The following ATXN1 variants were observed in gnomAD, a reference collection of about 807,000 sequenced individuals.
ATXN1 encodes ataxin 1.
A neutral mutation model predicts 56.4 loss-of-function variants in ATXN1; 8 were observed. That is an observed-to-expected ratio of 0.14 (90% CI 0.08 to 0.26). The LOEUF is 0.26. Ranked by LOEUF, ATXN1 falls within the 10% of genes least tolerant of loss-of-function variation. ATXN1 has a pLI of 1.00. For synonymous variants in ATXN1, 514 were observed against 494.6 expected (o/e 1.04, Z -0.52); for missense variants, 987 against 1,106.5 (o/e 0.89, Z 1.53).
chr6:16,426,884 A>G (rs1476440503), intron 6 of ATXN1, among the ~76,000 whole-genome samples: 1 of 151,504 alleles, frequency 6.6e-6, no homozygotes, highest in African/African-American at 2.4e-5. Flanking sequence ...AGAAAAAAAA[A>G]AAAAGACCAA....
chr6:16,563,404 C>T (rs1762156471), intron 4 of ATXN1, among the ~76,000 whole-genome samples: 1 of 152,064 alleles, frequency 6.6e-6, no homozygotes, highest in South Asian at 2.1e-4. Flanking sequence ...GAATGCATGG[C>T]ACTAAGCTAT....
chr6:16,554,713 CA>C (rs1761980530), intron 4 of ATXN1, among the ~76,000 whole-genome samples: 1 of 148,946 alleles, frequency 6.7e-6, no homozygotes, highest in South Asian at 2.1e-4. Flanking sequence ...CTCAGCGTCC[CA>C]AAGTGCTGGG....
intron 6 of ATXN1, among the ~76,000 whole-genome samples, chr6:16,337,583 G>A (rs1761152926): frequency 6.6e-6 from 1 of 152,252 alleles, no homozygotes; most frequent in Non-Finnish European, 1.5e-5. Flanking sequence ...TTGAGTTGGA[G>A]TTTTTAAGAA....
chr6:16,376,325 T>C (rs1294164394), intron 6 of ATXN1, among the ~76,000 whole-genome samples: 1 of 152,228 alleles, frequency 6.6e-6, no homozygotes, highest in African/African-American at 2.4e-5. Flanking sequence ...CCTTTCTTTG[T>C]ACCCACAGCA....
In ATXN1 at chr6:16,300,292, C is replaced by CTTA. The variant is rs1760052074; in HGVS notation, c.*6034_*6036dup. On this transcript the variant is annotated 3_prime_UTR_variant, in exon 8 of 8. Transcript: ENST00000436367. ...AGATACTACCTATTGGCCAAATGCA[C>CTTA]TTAATTTTAATACAGTTGAACCATT... 1 of 152,586 alleles carries CTTA rather than the reference C, an allele frequency of 6.6e-6. No individual in the cohort carries two copies. The highest frequency in any genetic ancestry group is 1.5e-5 in the Non-Finnish European group (1 of 68,034). The allele number at this position is 152,586 out of a possible 1,614,324, so 9.5% of individuals were successfully genotyped here.
chr6:16,666,290 G>A (rs1273355738), intron 2 of ATXN1, among the ~76,000 whole-genome samples: 1 of 152,146 alleles, frequency 6.6e-6, no homozygotes, highest in East Asian at 1.9e-4. Context: ...TCCAGTTCCA[G>A]CCATGTTGTT....
At chr6:16,430,638 G>A (rs942103634) in intron 6 of ATXN1, among the ~76,000 whole-genome samples, 1 of 152,202 alleles carries the variant, frequency 6.6e-6, no homozygotes, top group African/African-American at 2.4e-5. Flanking sequence ...CTGTGTAAGG[G>A]AGAGGAGAAT....
chr6:16,463,978 G>C (rs935875581), intron 6 of ATXN1, among the ~76,000 whole-genome samples: 1 of 152,164 alleles, frequency 6.6e-6, no homozygotes, highest in African/African-American at 2.4e-5. Flanking sequence ...CTTTGGCCTA[G>C]AGTGTTCCCC....
intron 6 of ATXN1, among the ~76,000 whole-genome samples, chr6:16,404,702 G>GCGCACACA (rs1020999614): frequency 2.3e-5 from 3 of 131,984 alleles, no homozygotes; most frequent in Non-Finnish European, 4.6e-5. Flanking sequence ...ACTCGCGCGC[G>GCGCACACA]CGCACACACG....
At position 16,301,007 on chromosome 6, in the gene ATXN1, A is replaced by G. The variant is rs549232321; in HGVS notation, c.*5322T>C. 3.3e-5 allele frequency: 5 copies of G among 152,768 alleles called. No homozygotes were observed. In the South Asian group the frequency reaches 1.0e-3, roughly 32 times the overall value. 9.5% of individuals were successfully genotyped at this position (152,768 alleles called of 1,614,324 possible). A position where few individuals can be genotyped will look rare whatever the true frequency, so the allele number is the denominator to read the frequency against. ...TTTTACGTAGTAATTCTTCCAGGCC[A>G]TAACCATACAAATCTGATCATTTAG... On this transcript the variant is annotated 3_prime_UTR_variant, in exon 8 of 8. Coordinates refer to ENST00000436367, the MANE Select transcript of ATXN1 (RefSeq NM_001128164.2).
chr6:16,702,656 C>G (rs1759311542), intron 2 of ATXN1, among the ~76,000 whole-genome samples: 1 of 152,114 alleles, frequency 6.6e-6, no homozygotes, highest in South Asian at 2.1e-4. Context: ...ACAAACAACC[C>G]CATCAAAAAG....
At chr6:16,539,734 A>C (rs183587085) in intron 4 of ATXN1, among the ~76,000 whole-genome samples, 30 of 152,268 alleles carry the variant, frequency 2.0e-4, no homozygotes, top group Non-Finnish European at 3.7e-4. Context: ...GACTAGAGTA[A>C]CCTGATGACA....
intron 4 of ATXN1, among the ~76,000 whole-genome samples, chr6:16,574,342 A>G (rs527812937): frequency 1.3e-5 from 2 of 152,278 alleles, no homozygotes; most frequent in South Asian, 4.1e-4. Context: ...AGTAGCTGGG[A>G]TTACAGGCAT....
At position 16,328,205 on chromosome 6, in the gene ATXN1, C is replaced by T; in HGVS notation, c.106G>A (p.Asp36Asn). ...SEEKAPTLPS[D>N]NHRVEGTAWL... is the part of the protein sequence containing the mutation. ...GCTGTGCCCTCCACCCGGTGGTTGT[C>T]GCTGGGCAGGGTAGGGGCCTTCTCC... The change falls in exon 7 of 8, where the codon GAC (aspartate) becomes AAC (asparagine). Residue 36 changes from aspartate (D) to asparagine (N), a missense_variant. Transcript: ENST00000436367. This position sits in a 1 kb window ranked among gnomAD's most constrained non-coding sequence, Gnocchi z 6.2. The T allele has an allele frequency of 6.3e-6, 10 of 1,597,878 alleles. No individual in the cohort carries two copies. The highest frequency in any genetic ancestry group is 4.5e-5 in the South Asian group (4 of 89,384).
chr6:16,480,154 C>CAA (rs60209783), intron 6 of ATXN1, among the ~76,000 whole-genome samples: 23,557 of 77,752 alleles, frequency 0.3, 4,576 homozygotes, highest in Non-Finnish European at 0.38. Flanking sequence ...ACTTCATCTG[C>CAA]AAAAAAAAAA....
intron 4 of ATXN1, among the ~76,000 whole-genome samples, chr6:16,554,667 T>TA (rs1377323838): frequency 2.6e-5 from 4 of 151,664 alleles, no homozygotes; most frequent in Non-Finnish European, 5.9e-5. Flanking sequence ...TTGGCCAGGC[T>TA]AGTCTCGAAC....
chr6:16,759,380 C>T (rs1760987416), intron 1 of ATXN1, among the ~76,000 whole-genome samples: 1 of 152,180 alleles, frequency 6.6e-6, no homozygotes, highest in African/African-American at 2.4e-5. Context: ...TAATTGTATC[C>T]TGTGGATCTC....
chr6:16,545,843 AG>A (rs1761805293), intron 4 of ATXN1, among the ~76,000 whole-genome samples: 1 of 152,232 alleles, frequency 6.6e-6, no homozygotes, highest in South Asian at 2.1e-4. Context: ...TAATTAGCTG[AG>A]ATTTATTTTA....
rs1581844565 is a variant in ATXN1, at chr6:16,560,140, T to C, written c.-361+25640A>G. ...CAAAGAAAAAGACCAATTTTACTTATTCTGCGTAGCTGAATTTTTAGGTCT... is the reference window on the plus strand; with the variant it reads ...CAAAGAAAAAGACCAATTTTACTTACTCTGCGTAGCTGAATTTTTAGGTCT... On this transcript the variant is annotated intron_variant, in intron 4 of 7. Coordinates refer to ENST00000436367, the MANE Select transcript of ATXN1 (RefSeq NM_001128164.2). Among the ~76,000 whole-genome samples the C allele has an allele frequency of 2.6e-5, 4 of 152,354 alleles. No individual in the cohort carries two copies. The South Asian group carries it at 8.3e-4, about 32-fold the overall frequency.
Sources: gnomAD v4.1 joint callset for allele counts (sites outside exome capture counted in the v4.1 genomes callset) on GRCh38, gnomAD v4.1.1 for gene constraint, Gnocchi (gnomAD v3.1) non-coding constraint, MANE v1.5 for transcripts, NCBI Gene and HGNC (gene_info 2026-07-23, HGNC 2026-07-21) for gene names.